Variants in NECTIN2 observed in about 807,000 individuals in gnomAD.
The protein encoded by NECTIN2 is nectin-2.
A neutral mutation model predicts 56.9 loss-of-function variants in NECTIN2; 23 were observed. The observed-to-expected ratio is 0.40, with a 90% confidence interval of 0.29 to 0.57. The LOEUF is 0.57. Among genes scored for constraint, NECTIN2 ranks in the 20% least tolerant of loss-of-function variants. NECTIN2 has a pLI of 0.38. For missense variants in NECTIN2, 587 were observed against 718.3 expected (o/e 0.82, Z 2.09); for synonymous variants, 302 against 313.8 (o/e 0.96, Z 0.40).
At position 44,846,628 on chromosome 19, in the gene NECTIN2, C is replaced by T. The variant is rs1435043004; in HGVS notation, c.88+15C>T. The T allele has an allele frequency of 2.0e-6, 3 of 1,523,166 alleles. No individual in the cohort carries two copies. The highest frequency in any genetic ancestry group is 8.8e-7 in the Non-Finnish European group (1 of 1,141,904). 94.4% of individuals were successfully genotyped at this position (1,523,166 alleles called of 1,614,324 possible). The stretch of plus-strand genomic sequence containing the variant: ...CCTGGAAACCGGTGAGACGAGCGGA[C>T]GGCCCCCTGCCCTCGCGCGGACCCC... On this transcript the variant is annotated intron_variant, in intron 1 of 8. Coordinates refer to ENST00000252483, the MANE Select transcript of NECTIN2 (RefSeq NM_001042724.2).
intron 5 of NECTIN2, chr19:44,878,105 C>T (rs1016151607): frequency 1.5e-5 from 9 of 597,866 alleles, no homozygotes; most frequent in Non-Finnish European, 2.7e-5. Context: ...TGGTCACTCC[C>T]GCTCCCTCCA....
Position 44,874,086 on chromosome 19 carries a change from C to G in NECTIN2, c.893+53C>G. The stretch of plus-strand genomic sequence containing the variant: ...GTCTGAGGGAGGCGGGGCTGGGGGC[C>G]TGGACTCCTGGATCTAAGGGAGGAG... On this transcript the variant is annotated intron_variant, in intron 4 of 8. Transcript: ENST00000252483. The surrounding 1 kb of genome is among the most constrained non-coding windows in gnomAD (Gnocchi z 6.3). The G allele has an allele frequency of 7.0e-7, 1 of 1,434,398 alleles. No individual in the cohort carries two copies. Among genetic ancestry groups the G allele is most frequent in the African/African-American group, 1.4e-5 (1 of 69,620 alleles). The allele number at this position is 1,434,398 out of a possible 1,614,324, so 88.9% of individuals were successfully genotyped here.
chr19:44,880,217 G>A (rs1265108366), intron 5 of NECTIN2, among the ~76,000 whole-genome samples: 5 of 152,106 alleles, frequency 3.3e-5, no homozygotes, highest in Admixed American at 6.5e-5. Context: ...GGGCAGGGGC[G>A]GGGAATTGGG....
chr19:44,853,525 G>A (rs1487260220), intron 1 of NECTIN2, among the ~76,000 whole-genome samples: 2 of 143,238 alleles, frequency 1.4e-5, no homozygotes, highest in Non-Finnish European at 3.0e-5. Context: ...GTCTCACTCT[G>A]TCCCCCAGGC....
chr19:44,861,406 G>A (rs1302783301), intron 1 of NECTIN2, among the ~76,000 whole-genome samples: 5 of 152,176 alleles, frequency 3.3e-5, no homozygotes, highest in Non-Finnish European at 5.9e-5. Flanking sequence ...AGTGTCCATC[G>A]ATGAATGGAG....
chr19:44,864,657 A>G (rs958842443), intron 1 of NECTIN2, among the ~76,000 whole-genome samples: 6 of 152,138 alleles, frequency 3.9e-5, no homozygotes, highest in African/African-American at 1.4e-4. Context: ...CATCTCTACT[A>G]AAAATACAAA....
intron 1 of NECTIN2, among the ~76,000 whole-genome samples, chr19:44,862,802 C>T (rs1317720207): frequency 6.6e-6 from 1 of 151,176 alleles, no homozygotes; most frequent in Non-Finnish European, 1.5e-5. Flanking sequence ...ATCACGAGGT[C>T]AGGCGTTCGA....
intron 3 of NECTIN2, among the ~76,000 whole-genome samples, chr19:44,872,743 CAG>C (rs1302823193): frequency 6.7e-6 from 1 of 150,110 alleles, no homozygotes; most frequent in Non-Finnish European, 1.5e-5. Context: ...CTGAGTCTCC[CAG>C]AGTCTCTACA....
chr19:44,847,039 A>G (rs1292902174), intron 1 of NECTIN2, among the ~76,000 whole-genome samples: 2 of 152,026 alleles, frequency 1.3e-5, no homozygotes, highest in East Asian at 1.9e-4. Flanking sequence ...CTACCGCAGT[A>G]AGGTCTCGAG....
rs1350335696 is a variant in NECTIN2, at chr19:44,875,944, GACGTC to G, written c.1042+1469_1042+1473del. On this transcript the variant is annotated intron_variant, in intron 5 of 8. Coordinates refer to ENST00000252483, the MANE Select transcript of NECTIN2 (RefSeq NM_001042724.2). This position sits in a 1 kb window ranked among gnomAD's most constrained non-coding sequence, Gnocchi z 4.2. ...GGATGCACATAAGTCCCCGGAGGAA[GACGTC>G]ACACAGACACGCTGGGGGCAAAACT... Among the ~76,000 whole-genome samples the G allele has an allele frequency of 6.6e-6, 1 of 152,152 alleles. No individual in the cohort carries two copies. Among genetic ancestry groups the G allele is most frequent in the African/African-American group, 2.4e-5 (1 of 41,418 alleles).
intron 2 of NECTIN2, among the ~76,000 whole-genome samples, chr19:44,868,801 A>G (rs1322123120): frequency 6.6e-6 from 1 of 151,728 alleles, no homozygotes; most frequent in Non-Finnish European, 1.5e-5. Flanking sequence ...AGTCCCAGCT[A>G]CTCGGGAGAT....
At position 44,874,582 on chromosome 19, in the gene NECTIN2, T is replaced by C. The variant is rs1018786560; in HGVS notation, c.1042+104T>C. ...ACTGGGGGAGGCTGCGCCGCCGACC[T>C]GGGAGGGATGCAGACCTGCCTGGCT... On this transcript the variant is annotated intron_variant, in intron 5 of 8. Transcript: ENST00000252483. This position sits in a 1 kb window ranked among gnomAD's most constrained non-coding sequence, Gnocchi z 6.3. 7.0e-6 allele frequency: 10 copies of C among 1,427,704 alleles called. No individual in the cohort carries two copies. The Admixed American group carries it at 1.5e-4, about 21-fold the overall frequency. The allele number at this position is 1,427,704 out of a possible 1,614,324, so 88.4% of individuals were successfully genotyped here. A position where few individuals can be genotyped will look rare whatever the true frequency, so the allele number is the denominator to read the frequency against.
intron 1 of NECTIN2, among the ~76,000 whole-genome samples, chr19:44,853,458 G>A (rs1968925575): frequency 6.7e-6 from 1 of 150,248 alleles, no homozygotes; most frequent in Non-Finnish European, 1.5e-5. Context: ...GCCTCCCAAA[G>A]TGCTGGGTTT....
intron 3 of NECTIN2, among the ~76,000 whole-genome samples, chr19:44,873,406 G>A (rs369734366): frequency 4.6e-5 from 7 of 152,168 alleles, no homozygotes; most frequent in African/African-American, 1.7e-4. Context: ...GCCAAGGCGG[G>A]CAGATCACTT....
intron 5 of NECTIN2, chr19:44,878,167 C>T (rs995655242): frequency 9.6e-6 from 6 of 626,496 alleles, no homozygotes; most frequent in African/African-American, 5.6e-5. Flanking sequence ...GAGCGATCCT[C>T]GTGATCTTGT....
intron 2 of NECTIN2, among the ~76,000 whole-genome samples, chr19:44,867,566 ATG>A (rs1969115919): frequency 6.6e-6 from 1 of 152,176 alleles, no homozygotes; most frequent in Non-Finnish European, 1.5e-5. Flanking sequence ...TTGAGATAGG[ATG>A]TGCAGGGAAG....
chr19:44,882,373 T>A lies in NECTIN2; in HGVS notation c.1196+9T>A. On this transcript the variant is annotated intron_variant, in intron 6 of 8. Coordinates refer to ENST00000252483, the MANE Select transcript of NECTIN2 (RefSeq NM_001042724.2). ...GCAGAGGAGGACGAAGAGTAAGTGATGGGCCCTGAGACGGGGATGGGAGAG... is the reference window on the plus strand; with the variant it reads ...GCAGAGGAGGACGAAGAGTAAGTGAAGGGCCCTGAGACGGGGATGGGAGAG... The A allele has an allele frequency of 7.1e-7, 1 of 1,409,052 alleles. No individual in the cohort carries two copies. Among genetic ancestry groups the A allele is most frequent in the Non-Finnish European group, 9.4e-7 (1 of 1,067,512 alleles). 87.3% of individuals were successfully genotyped at this position (1,409,052 alleles called of 1,614,324 possible). A position where few individuals can be genotyped will look rare whatever the true frequency, so the allele number is the denominator to read the frequency against.
At chr19:44,877,346 C>T (rs2122697860) in intron 5 of NECTIN2, among the ~76,000 whole-genome samples, 1 of 152,246 alleles carries the variant, frequency 6.6e-6, no homozygotes, top group Admixed American at 6.5e-5. Flanking sequence ...CTGTCCCTGG[C>T]TTGGGGCCCA....
Position 44,874,851 on chromosome 19 carries a change from C to T in NECTIN2, c.1042+373C>T, listed in dbSNP as rs908416797. Among the ~76,000 whole-genome samples, 22 of 152,214 alleles carry T rather than the reference C, an allele frequency of 1.4e-4. No individual in the cohort carries two copies. Among genetic ancestry groups the T allele is most frequent in the African/African-American group, 4.3e-4 (18 of 41,520 alleles). On this transcript the variant is annotated intron_variant, in intron 5 of 8. Coordinates refer to ENST00000252483, the MANE Select transcript of NECTIN2 (RefSeq NM_001042724.2). This position sits in a 1 kb window ranked among gnomAD's most constrained non-coding sequence, Gnocchi z 6.3. Reference sequence around the variant, plus strand: ...ACTTCAAAGAGACAGAAACCAAGAGCTCCCACCCCCAGAAACACAATCCGG... The same window carrying T: ...ACTTCAAAGAGACAGAAACCAAGAGTTCCCACCCCCAGAAACACAATCCGG...
Sources: allele counts gnomAD v4.1 joint callset (sites outside exome capture counted in the v4.1 genomes callset), GRCh38; gene constraint gnomAD v4.1.1; non-coding constraint Gnocchi (gnomAD v3.1); transcripts MANE v1.5; gene names NCBI Gene and HGNC (gene_info 2026-07-23, HGNC 2026-07-21).